The following CSNK1G1 variants were observed in gnomAD, a reference collection of about 807,000 sequenced individuals.
CSNK1G1 encodes the protein casein kinase 1 gamma 1.
A neutral mutation model predicts 59.6 loss-of-function variants in CSNK1G1; 22 were observed. The observed-to-expected ratio is 0.37, with a 90% CI of 0.26 to 0.53. CSNK1G1 has a LOEUF of 0.53. Among genes scored for constraint, CSNK1G1 ranks in the 20% least tolerant of loss-of-function variants. CSNK1G1 has a pLI of 0.89. For missense variants in CSNK1G1, 384 were observed against 519.5 expected, an observed-to-expected ratio of 0.74 and a Z score of 2.54; for synonymous variants, 179 against 177.1, an observed-to-expected ratio of 1.01 and a Z score of -0.08.
chr15:64,337,088 C>T (rs1477519872), intron 1 of CSNK1G1, among the ~76,000 whole-genome samples: 2 of 151,876 alleles, frequency 1.3e-5, no homozygotes, highest in Non-Finnish European at 1.5e-5. Flanking sequence ...ATTATCCAGG[C>T]GCAGTGGCAG....
chr15:64,299,791 A>G (rs1895224976), intron 2 of CSNK1G1, among the ~76,000 whole-genome samples: 1 of 152,098 alleles, frequency 6.6e-6, no homozygotes, highest in Non-Finnish European at 1.5e-5. Flanking sequence ...CTAATGCTGG[A>G]AACTCCAGGA....
intron 1 of CSNK1G1, among the ~76,000 whole-genome samples, chr15:64,333,098 A>T (rs1897199183): frequency 1.3e-5 from 2 of 151,646 alleles, no homozygotes; most frequent in South Asian, 4.2e-4. Flanking sequence ...CTCTACTAAA[A>T]ATACAAAACT....
At chr15:64,286,337 A>C (rs1894411596) in intron 2 of CSNK1G1, among the ~76,000 whole-genome samples, 2 of 151,378 alleles carry the variant, frequency 1.3e-5, no homozygotes, top group Non-Finnish European at 1.5e-5. Flanking sequence ...TTAACATGTT[A>C]TTGTTAACAA....
chr15:64,290,947 CAG>C (rs1287859106), intron 2 of CSNK1G1, among the ~76,000 whole-genome samples: 1 of 152,104 alleles, frequency 6.6e-6, no homozygotes, highest in Admixed American at 6.5e-5. Context: ...CTCCTGACCT[CAG>C]ATGATCTGTC....
At position 64,203,180 on chromosome 15, in the gene CSNK1G1, C is replaced by A. The variant is rs752620688; in HGVS notation, c.1009G>T (p.Val337Leu). ...CCAGAATCTACGTGAACTGACCCTACTGGAGTAGGCTAGAAAAATGAAACA... is the reference window on the plus strand; with the variant it reads ...CCAGAATCTACGTGAACTGACCCTAATGGAGTAGGCTAGAAAAATGAAACA... ...DWVGRPIPTP[V>L]GSVHVDSGAS... The change falls in exon 10 of 12, where the codon GTA becomes TTA. Residue 337 changes from valine to leucine, a missense_variant. This residue lies in a region of CSNK1G1 where 325 missense variants were observed against 440.9 expected (regional missense o/e 0.74). Coordinates refer to ENST00000303052, the MANE Select transcript of CSNK1G1 (RefSeq NM_022048.5). 1 of 1,613,040 alleles carries A rather than the reference C, an allele frequency of 6.2e-7. No individual in the cohort carries two copies. Among genetic ancestry groups the A allele is most frequent in the South Asian group, 1.1e-5 (1 of 91,042 alleles).
intron 6 of CSNK1G1, among the ~76,000 whole-genome samples, chr15:64,213,401 G>A (rs2082272848): frequency 1.3e-5 from 2 of 152,072 alleles, no homozygotes; most frequent in Non-Finnish European, 2.9e-5. Flanking sequence ...TGAGTAAATT[G>A]CAAGACTAAT....
At chr15:64,238,518 A>ATATATATATATATATATATATAT (rs1331534551) in intron 4 of CSNK1G1, among the ~76,000 whole-genome samples, 1 of 49,246 alleles carries the variant, frequency 2.0e-5, no homozygotes, top group Non-Finnish European at 3.2e-5. Flanking sequence ...AAAAAAAAAA[A>ATATATATATATATATATATATAT]ATATATATAT....
chr15:64,255,812 C>G (rs1356127954), intron 3 of CSNK1G1, among the ~76,000 whole-genome samples: 1 of 152,050 alleles, frequency 6.6e-6, no homozygotes, highest in Non-Finnish European at 1.5e-5. Flanking sequence ...CTAGTCTATC[C>G]CTCTGCTTCT....
intron 10 of CSNK1G1, among the ~76,000 whole-genome samples, chr15:64,185,862 GAA>G (rs375409365): frequency 6.0e-5 from 5 of 82,800 alleles, no homozygotes; most frequent in South Asian, 3.9e-4. Flanking sequence ...ACTCCATCTC[GAA>G]AAAAAAAAAA....
At chr15:64,299,239 A>G (rs1895189085) in intron 2 of CSNK1G1, among the ~76,000 whole-genome samples, 1 of 152,138 alleles carries the variant, frequency 6.6e-6, no homozygotes, top group Non-Finnish European at 1.5e-5. Context: ...CCAACTTCAT[A>G]TATTTATACG....
chr15:64,301,662 C>CCTG (rs1895345012), intron 1 of CSNK1G1, among the ~76,000 whole-genome samples: 1 of 152,208 alleles, frequency 6.6e-6, no homozygotes, highest in Non-Finnish European at 1.5e-5. Context: ...CCAAGGCAGG[C>CCTG]AGATCACCTG....
At chr15:64,257,109 T>G (rs1596170275) in intron 3 of CSNK1G1, among the ~76,000 whole-genome samples, 1 of 151,728 alleles carries the variant, frequency 6.6e-6, no homozygotes. Flanking sequence ...TGAGACTTAT[T>G]TGAAAGAGAA....
At chr15:64,249,100 G>A (rs1891931392) in intron 4 of CSNK1G1, among the ~76,000 whole-genome samples, 1 of 152,114 alleles carries the variant, frequency 6.6e-6, no homozygotes, top group African/African-American at 2.4e-5. Context: ...CCAGCCTGGT[G>A]ACATAGCAAG....
intron 10 of CSNK1G1, among the ~76,000 whole-genome samples, chr15:64,193,491 C>CA (rs10631811): frequency 7.6e-6 from 1 of 131,962 alleles, no homozygotes. Flanking sequence ...GACTCTGTCT[C>CA]AAAAAAAAAA....
At chr15:64,274,615 T>A (rs1316076247) in intron 2 of CSNK1G1, among the ~76,000 whole-genome samples, 3 of 152,210 alleles carry the variant, frequency 2.0e-5, no homozygotes, top group African/African-American at 4.8e-5. Context: ...CATTACACAG[T>A]AGTTTTTGGA....
chr15:64,355,886 C>G (rs1395541951), intron 1 of CSNK1G1, 102 bp downstream of exon 1: 1 of 152,928 alleles, frequency 6.5e-6, no homozygotes, highest in Non-Finnish European at 1.5e-5. Flanking sequence ...TCACGGCGTC[C>G]CCCACCCACG....
chr15:64,171,856 A>C lies in CSNK1G1; in HGVS notation c.*75T>G, dbSNP rs2081670027. ...CCTCCCCCAAAGAGGAGTCCCTTCC[A>C]ATGAGAAATGGCAGGAGCTGCAGGT... is the stretch of plus-strand genomic sequence containing the variant. On this transcript the variant is annotated 3_prime_UTR_variant, in exon 12 of 12. Coordinates refer to ENST00000303052, the MANE Select transcript of CSNK1G1 (RefSeq NM_022048.5). The surrounding 1 kb of genome is among the most constrained non-coding windows in gnomAD (Gnocchi z 4.8). 9.5e-6 allele frequency: 12 copies of C among 1,264,560 alleles called. No homozygotes were observed. The East Asian group carries it at 2.8e-4, about 29-fold the overall frequency. The allele number at this position is 1,264,560 out of a possible 1,614,324, so 78.3% of individuals were successfully genotyped here.
intron 4 of CSNK1G1, among the ~76,000 whole-genome samples, chr15:64,218,858 T>G (rs892514078): frequency 1.3e-5 from 2 of 150,414 alleles, no homozygotes; most frequent in Non-Finnish European, 1.5e-5. Context: ...AAGTGTTTTT[T>G]TTTTTTTTTT....
At chr15:64,185,405 A>G (rs2081878983) in intron 10 of CSNK1G1, among the ~76,000 whole-genome samples, 1 of 152,242 alleles carries the variant, frequency 6.6e-6, no homozygotes, top group Non-Finnish European at 1.5e-5. Flanking sequence ...AGGCCAAAGT[A>G]ATGAGGAGCA....
Sources: gnomAD v4.1 joint callset for allele counts (sites outside exome capture counted in the v4.1 genomes callset) on GRCh38, gnomAD v4.1.1 for gene constraint, gnomAD v4.1.1 regional missense constraint, Gnocchi (gnomAD v3.1) non-coding constraint, MANE v1.5 for transcripts, NCBI Gene and HGNC (gene_info 2026-07-23, HGNC 2026-07-21) for gene names.